The following RORB variants were observed in gnomAD, a reference collection of about 807,000 sequenced individuals.
The protein encoded by RORB is nuclear receptor ROR-beta.
RORB carries 6 observed loss-of-function variants against 59.1 expected under a neutral mutation model. That is an observed-to-expected ratio of 0.10 (90% CI 0.06 to 0.20). RORB has a LOEUF of 0.20. Ranked by LOEUF, RORB falls within the 10% of genes least tolerant of loss-of-function variation. The pLI is 1.00. For missense variants in RORB, 320 were observed against 560.5 expected (o/e 0.57, Z 4.33); for synonymous variants, 215 against 204.5 (o/e 1.05, Z -0.44).
intron 1 of RORB, among the ~76,000 whole-genome samples, chr9:74,589,299 G>A (rs531994036): frequency 3.9e-5 from 6 of 152,264 alleles, no homozygotes; most frequent in African/African-American, 7.2e-5. Context: ...AAAACTTTAA[G>A]TGTGTTCCTG....
chr9:74,624,756 C>A (rs1455515584), intron 1 of RORB, among the ~76,000 whole-genome samples: 1 of 152,128 alleles, frequency 6.6e-6, no homozygotes, highest in East Asian at 1.9e-4. Flanking sequence ...AGATGAGATA[C>A]AATTTGGGTA....
intron 1 of RORB, among the ~76,000 whole-genome samples, chr9:74,509,246 A>C (rs1288317096): frequency 6.6e-6 from 1 of 152,132 alleles, no homozygotes; most frequent in Admixed American, 6.6e-5. Flanking sequence ...AAATCTATAG[A>C]TTATGAACTA....
chr9:74,659,182 TAGA>T (rs1802941158), intron 4 of RORB, among the ~76,000 whole-genome samples: 1 of 152,176 alleles, frequency 6.6e-6, no homozygotes, highest in African/African-American at 2.4e-5. Context: ...GATTTTTGTT[TAGA>T]AAATTTATTA....
At chr9:74,550,298 C>T (rs1563934890) in intron 1 of RORB, among the ~76,000 whole-genome samples, 2 of 152,186 alleles carry the variant, frequency 1.3e-5, no homozygotes, top group South Asian at 4.1e-4. Context: ...CATTAGAGAG[C>T]AAAACTCACT....
chr9:74,637,781 G>A (rs1454732759), intron 3 of RORB, among the ~76,000 whole-genome samples: 1 of 151,998 alleles, frequency 6.6e-6, no homozygotes, highest in Admixed American at 6.6e-5. Context: ...CAATCCACAT[G>A]TCACTATTTA....
intron 1 of RORB, among the ~76,000 whole-genome samples, chr9:74,501,739 T>A (rs766752270): frequency 1.5e-4 from 21 of 142,722 alleles, no homozygotes; most frequent in South Asian, 6.5e-4. Flanking sequence ...ACAAGTATTA[T>A]GACACAGAAG....
chr9:74,548,325 T>G (rs1305649652), intron 1 of RORB, among the ~76,000 whole-genome samples: 1 of 152,182 alleles, frequency 6.6e-6, no homozygotes, highest in East Asian at 1.9e-4. Flanking sequence ...AATTAGGTAT[T>G]TTTTTATATT....
Position 74,593,870 on chromosome 9 carries a change from A to G in RORB, c.8-36412A>G, listed in dbSNP as rs1185832578. Among the ~76,000 whole-genome samples the G allele has an allele frequency of 2.0e-5, 3 of 152,240 alleles. No individual in the cohort carries two copies. In the East Asian group the frequency reaches 5.8e-4, roughly 29 times the overall value. On this transcript the variant is annotated intron_variant, in intron 1 of 9. Coordinates refer to ENST00000376896, the MANE Select transcript of RORB (RefSeq NM_006914.4). Reference sequence around the variant, plus strand: ...TGTGTAAACACCAACATTTCTACATACCTCAAAAGACCTAGGTCTTGATAT... The same window carrying G: ...TGTGTAAACACCAACATTTCTACATGCCTCAAAAGACCTAGGTCTTGATAT...
chr9:74,620,208 C>T (rs567848308), intron 1 of RORB, among the ~76,000 whole-genome samples: 4 of 152,290 alleles, frequency 2.6e-5, no homozygotes, highest in Admixed American at 1.3e-4. Context: ...TAATTACGGC[C>T]TCAATTTCAG....
chr9:74,646,333 A>C (rs751844376), intron 4 of RORB, among the ~76,000 whole-genome samples: 5 of 152,160 alleles, frequency 3.3e-5, no homozygotes, highest in Non-Finnish European at 5.9e-5. Flanking sequence ...ATTTTTGATA[A>C]AAACACACAT....
At chr9:74,570,670 A>G (rs915548503) in intron 1 of RORB, among the ~76,000 whole-genome samples, 1 of 152,154 alleles carries the variant, frequency 6.6e-6, no homozygotes, top group African/African-American at 2.4e-5. Context: ...AAAGAATTCT[A>G]GAAGAATTCT....
intron 1 of RORB, among the ~76,000 whole-genome samples, chr9:74,553,381 T>C (rs1013492145): frequency 3.9e-5 from 6 of 152,150 alleles, no homozygotes; most frequent in African/African-American, 1.4e-4. Flanking sequence ...GTAAGAATGC[T>C]CTTTTTACCA....
chr9:74,602,058 T>C (rs1823065984), intron 1 of RORB, among the ~76,000 whole-genome samples: 1 of 152,188 alleles, frequency 6.6e-6, no homozygotes, highest in African/African-American at 2.4e-5. Flanking sequence ...GGGGCCCCAC[T>C]ATGTCATCAT....
intron 1 of RORB, among the ~76,000 whole-genome samples, chr9:74,618,179 A>T (rs1241236797): frequency 6.6e-6 from 1 of 152,016 alleles, no homozygotes; most frequent in Non-Finnish European, 1.5e-5. Context: ...TACCTCACCT[A>T]TATTCTATAG....
At chr9:74,606,663 T>C (rs1323761481) in intron 1 of RORB, among the ~76,000 whole-genome samples, 1 of 152,208 alleles carries the variant, frequency 6.6e-6, no homozygotes, top group Admixed American at 6.5e-5. Flanking sequence ...GTGAGTATGT[T>C]CCTTAGAAGA....
chr9:74,620,153 C>G lies in RORB; in HGVS notation c.8-10129C>G, dbSNP rs534552767. 9.1e-4 allele frequency among the ~76,000 whole-genome samples: 139 copies of G among 152,260 alleles called. 1 individual carries two copies. The Middle Eastern group carries it at 0.02, about 22-fold the overall frequency. On this transcript the variant is annotated intron_variant, in intron 1 of 9. Transcript: ENST00000376896. ...TTTTTGTACCTCTGGTAGAATTCAG[C>G]TGTGAATCCGTCTGGTCCTGGACTT...
At chr9:74,593,477 A>C (rs918110306) in intron 1 of RORB, among the ~76,000 whole-genome samples, 11 of 151,844 alleles carry the variant, frequency 7.2e-5, no homozygotes, top group Non-Finnish European at 1.2e-4. Flanking sequence ...AAAAAAAAAA[A>C]AAAAAAACAA....
In RORB at chr9:74,639,493, G is replaced by A. The variant is rs577341311; in HGVS notation, c.236-2921G>A. Among the ~76,000 whole-genome samples, 3 of 151,458 alleles carry A rather than the reference G, an allele frequency of 2.0e-5. No homozygotes were observed. The South Asian group carries it at 6.3e-4, about 32-fold the overall frequency. ...AGAGTATACAGAAATCTAAAGCAAGGATTAAATGGAAAAGGGTTTTAAAAA... is the reference window on the plus strand; with the variant it reads ...AGAGTATACAGAAATCTAAAGCAAGAATTAAATGGAAAAGGGTTTTAAAAA... On this transcript the variant is annotated intron_variant, in intron 3 of 9. Transcript: ENST00000376896.
At chr9:74,661,868 A>G in intron 5 of RORB, among the ~76,000 whole-genome samples, 1 of 151,534 alleles carries the variant, frequency 6.6e-6, no homozygotes. Context: ...GATGGTGTCG[A>G]TCTCCTGACC....
Sources: gnomAD v4.1 joint callset for allele counts (sites outside exome capture counted in the v4.1 genomes callset) on GRCh38, gnomAD v4.1.1 for gene constraint, MANE v1.5 for transcripts, NCBI Gene and HGNC (gene_info 2026-07-23, HGNC 2026-07-21) for gene names.